The following SATB2 variants were observed in gnomAD, a reference collection of about 807,000 sequenced individuals.
The protein encoded by SATB2 is DNA-binding protein SATB2.
SATB2 carries 1 observed loss-of-function variant against 73.4 expected under a neutral mutation model. That is an observed-to-expected ratio of 0.01 (90% CI 0.00 to 0.06). The LOEUF (loss-of-function observed/expected upper bound fraction) is 0.06, where lower values mean the gene tolerates loss of function less well. Among genes scored for constraint, SATB2 ranks in the 10% least tolerant of loss-of-function variants. SATB2 has a pLI of 1.00. For missense variants in SATB2, 459 were observed against 945.8 expected (o/e 0.49, Z 6.75); for synonymous variants, 397 against 367.0 (o/e 1.08, Z -0.93).
At chr2:199,470,147 G>A (rs1247007682) in intron 1 of SATB2, 1 of 152,358 alleles carries the variant, frequency 6.6e-6, no homozygotes, top group African/African-American at 2.4e-5. Flanking sequence ...CAGCCCAGTC[G>A]GGCAAGAAAG....
At chr2:199,454,478 G>A (rs543217029) in intron 2 of SATB2, among the ~76,000 whole-genome samples, 6 of 152,080 alleles carry the variant, frequency 3.9e-5, no homozygotes, top group African/African-American at 1.4e-4. Flanking sequence ...ATTTGCTCCA[G>A]TATCAGGACA....
chr2:199,469,446 A>G (rs1273409712), upstream of SATB2, among the ~76,000 whole-genome samples: 4 of 151,410 alleles, frequency 2.6e-5, no homozygotes, highest in African/African-American at 9.7e-5. Flanking sequence ...CAGCCCCGGC[A>G]TCGCTCACTA....
At chr2:199,299,698 C>T (rs929646785) in intron 10 of SATB2, among the ~76,000 whole-genome samples, 3 of 151,952 alleles carry the variant, frequency 2.0e-5, no homozygotes, top group African/African-American at 7.3e-5. Flanking sequence ...AGAAACTCCA[C>T]AAATATTTGT....
rs1199873583 is a variant in SATB2, at chr2:199,463,812, A to AC, written c.-141+1023dup. Among the ~76,000 whole-genome samples the AC allele has an allele frequency of 6.6e-6, 1 of 152,074 alleles. No homozygotes were observed. The highest frequency in any genetic ancestry group is 1.9e-4 in the East Asian group (1 of 5,172). The stretch of plus-strand genomic sequence containing the variant: ...GTACACCTGGAAAGCCCAAGATAGC[A>AC]CCCGGTCCGCACCCCAAATTTCAGG... On this transcript the variant is annotated intron_variant, in intron 1 of 11. Coordinates refer to the SATB2 transcript ENST00000260926. The surrounding 1 kb of genome is among the most constrained non-coding windows in gnomAD (Gnocchi z 6.4).
rs750036347 is a variant in SATB2, at chr2:199,380,495, A to G, written c.474-8T>C. On this transcript the variant is annotated splice_region_variant and splice_polypyrimidine_tract_variant and intron_variant, in intron 4 of 10. Coordinates refer to ENST00000417098, the MANE Select transcript of SATB2 (RefSeq NM_001172509.2). ...TCTTCCAACTTTGAACAACTGCAAA[A>G]CAGAGCAATAATGAACAATACACAA... is the stretch of plus-strand genomic sequence containing the variant. 6.2e-7 allele frequency: 1 copy of G among 1,612,146 alleles called. No individual in the cohort carries two copies. Among genetic ancestry groups the G allele is most frequent in the Non-Finnish European group, 8.5e-7 (1 of 1,179,936 alleles).
chr2:199,304,311 CTT>C (rs1314012839), intron 10 of SATB2, among the ~76,000 whole-genome samples: 3 of 152,168 alleles, frequency 2.0e-5, no homozygotes, highest in Non-Finnish European at 4.4e-5. Flanking sequence ...ACAGGAAATA[CTT>C]TTGTTTCCAA....
At chr2:199,434,116 T>C (rs974858504) in intron 2 of SATB2, among the ~76,000 whole-genome samples, 2 of 152,150 alleles carry the variant, frequency 1.3e-5, no homozygotes, top group Non-Finnish European at 2.9e-5. Context: ...TTACGTGCTG[T>C]TGTTTTTTTA....
intron 3 of SATB2, among the ~76,000 whole-genome samples, chr2:199,421,637 G>C (rs1311503151): frequency 6.6e-6 from 1 of 152,172 alleles, no homozygotes; most frequent in Non-Finnish European, 1.5e-5. Context: ...GCACAATACT[G>C]CGTGTATGTT....
chr2:199,407,193 G>A (rs1446577438), intron 3 of SATB2, among the ~76,000 whole-genome samples: 2 of 150,762 alleles, frequency 1.3e-5, no homozygotes, highest in African/African-American at 2.4e-5. Context: ...GGCTGAGGTA[G>A]GAGAATCACT....
chr2:199,458,497 G>A (rs1170515032), upstream of SATB2: 1 of 380,994 alleles, frequency 2.6e-6, no homozygotes. Flanking sequence ...GGTGCGTCTG[G>A]GCGCAGGCGG....
At chr2:199,373,055 A>G (rs1689495506) in intron 5 of SATB2, among the ~76,000 whole-genome samples, 1 of 152,178 alleles carries the variant, frequency 6.6e-6, no homozygotes, top group South Asian at 2.1e-4. Flanking sequence ...TGTGGTACTA[A>G]GAGTAGCTAA....
chr2:199,293,514 A>G (rs1692934611), intron 10 of SATB2, among the ~76,000 whole-genome samples: 1 of 152,170 alleles, frequency 6.6e-6, no homozygotes, highest in Non-Finnish European at 1.5e-5. Flanking sequence ...TATTATTAAT[A>G]ATATTTTTTA....
intron 10 of SATB2, among the ~76,000 whole-genome samples, chr2:199,273,873 C>T (rs956534475): frequency 1.3e-5 from 2 of 152,258 alleles, no homozygotes; most frequent in African/African-American, 2.4e-5. Flanking sequence ...TCCCCACAGG[C>T]CTATGTGAGA....
chr2:199,354,517 T>C (rs1042056340), intron 6 of SATB2, among the ~76,000 whole-genome samples: 1 of 152,130 alleles, frequency 6.6e-6, no homozygotes, highest in African/African-American at 2.4e-5. Flanking sequence ...CAGTTTCTAA[T>C]GTAAGTCCCC....
At chr2:199,452,129 T>C (rs545971810) in intron 2 of SATB2, among the ~76,000 whole-genome samples, 3 of 152,270 alleles carry the variant, frequency 2.0e-5, no homozygotes, top group Non-Finnish European at 4.4e-5. Flanking sequence ...TAAAAATTCA[T>C]AGGAAAATGA....
At chr2:199,428,404 C>T (rs1691398775) in intron 3 of SATB2, among the ~76,000 whole-genome samples, 1 of 152,088 alleles carries the variant, frequency 6.6e-6, no homozygotes, top group East Asian at 1.9e-4. Flanking sequence ...ACCACCTAAT[C>T]CAAAAAGTCC....
chr2:199,291,749 C>T (rs1447122499), intron 10 of SATB2, among the ~76,000 whole-genome samples: 2 of 151,830 alleles, frequency 1.3e-5, no homozygotes, highest in Non-Finnish European at 2.9e-5. Flanking sequence ...CTAGTCACCA[C>T]TAAAAATACA....
At chr2:199,355,324 ATGTGTGTG>A (rs71885911) in intron 6 of SATB2, among the ~76,000 whole-genome samples, 2 of 134,438 alleles carry the variant, frequency 1.5e-5, no homozygotes, top group African/African-American at 5.9e-5. Context: ...ATACATATGT[ATGTGTGTG>A]TGTGTGTGTG....
At chr2:199,358,410 T>C (rs112730470) in intron 6 of SATB2, among the ~76,000 whole-genome samples, 2 of 151,986 alleles carry the variant, frequency 1.3e-5, no homozygotes, top group Non-Finnish European at 2.9e-5. Flanking sequence ...AACTACCAGA[T>C]GAGTTCACCA....
Sources: allele counts gnomAD v4.1 joint callset (sites outside exome capture counted in the v4.1 genomes callset), GRCh38; gene constraint gnomAD v4.1.1; non-coding constraint Gnocchi (gnomAD v3.1); transcripts MANE v1.5; gene names NCBI Gene and HGNC (gene_info 2026-07-23, HGNC 2026-07-21).